OSBPL1A: variants seen among roughly 807,000 people sequenced by gnomAD.
OSBPL1A encodes the protein oxysterol binding protein like 1A.
In OSBPL1A, 80 loss-of-function variants were observed where a neutral mutation model predicts 137.1. The observed-to-expected ratio is 0.58, with a 90% CI of 0.49 to 0.70. The LOEUF (loss-of-function observed/expected upper bound fraction) is 0.70, where lower values mean the gene tolerates loss of function less well. OSBPL1A is among the 30% of genes least tolerant of loss of function. The pLI, the probability that OSBPL1A is intolerant of heterozygous loss-of-function variation, is 0.00. For missense variants in OSBPL1A, 970 were observed against 1,129.4 expected (o/e 0.86, Z 2.02); for synonymous variants, 365 against 389.7 (o/e 0.94, Z 0.75).
At chr18:24,395,318 A>G (rs1318906316) in intron 1 of OSBPL1A, among the ~76,000 whole-genome samples, 1 of 152,208 alleles carries the variant, frequency 6.6e-6, no homozygotes, top group African/African-American at 2.4e-5. Context: ...CATTTGGCTG[A>G]TTTCTACTTT....
At chr18:24,307,709 C>A (rs755833823) in intron 13 of OSBPL1A, among the ~76,000 whole-genome samples, 6 of 152,322 alleles carry the variant, frequency 3.9e-5, no homozygotes, top group Non-Finnish European at 7.4e-5. Context: ...CATGGATGTA[C>A]CAATCTTTAT....
At chr18:24,355,114 C>T (rs943940563) in intron 4 of OSBPL1A, among the ~76,000 whole-genome samples, 2 of 152,268 alleles carry the variant, frequency 1.3e-5, no homozygotes, top group East Asian at 1.9e-4. Context: ...TTGCCTTTCT[C>T]ACCAGCAATT....
rs532455884 is a variant in OSBPL1A, at chr18:24,167,153, A to T, written c.2535+176T>A. Reference sequence around the variant, plus strand: ...AGATGCCAGAGGGATGGACAGCATGATGCACTTACGACGCGCTGAGCTCAG... The same window carrying T: ...AGATGCCAGAGGGATGGACAGCATGTTGCACTTACGACGCGCTGAGCTCAG... On this transcript the variant is annotated intron_variant, in intron 25 of 27. Coordinates refer to ENST00000319481, the MANE Select transcript of OSBPL1A (RefSeq NM_080597.4). 3.8e-3 allele frequency among the ~76,000 whole-genome samples: 586 copies of T among 152,310 alleles called. 3 individuals carry two copies. The highest frequency in any genetic ancestry group is 0.014 in the African/African-American group (569 of 41,558).
chr18:24,213,307 C>T (rs2087598458), intron 17 of OSBPL1A, among the ~76,000 whole-genome samples: 1 of 152,198 alleles, frequency 6.6e-6, no homozygotes, highest in Non-Finnish European at 1.5e-5. Context: ...GTGGCTCACG[C>T]CTGTAATCCT....
intron 1 of OSBPL1A, among the ~76,000 whole-genome samples, chr18:24,390,147 A>C (rs974703051): frequency 6.6e-6 from 1 of 152,156 alleles, no homozygotes; most frequent in Non-Finnish European, 1.5e-5. Context: ...CAATTCACCT[A>C]GTCATACATA....
chr18:24,217,124 C>A (rs879660118), intron 17 of OSBPL1A, among the ~76,000 whole-genome samples: 1 of 152,144 alleles, frequency 6.6e-6, no homozygotes, highest in Admixed American at 6.6e-5. Flanking sequence ...GGGAAAGATA[C>A]TGTAATAGAT....
At chr18:24,228,053 G>A (rs1263833780) in intron 16 of OSBPL1A, among the ~76,000 whole-genome samples, 1 of 151,996 alleles carries the variant, frequency 6.6e-6, no homozygotes, top group Non-Finnish European at 1.5e-5. Context: ...AAGCAAAGAC[G>A]GACTTCGCAG....
chr18:24,187,472 T>C (rs909320665), intron 18 of OSBPL1A, among the ~76,000 whole-genome samples: 1 of 152,190 alleles, frequency 6.6e-6, no homozygotes, highest in Non-Finnish European at 1.5e-5. Flanking sequence ...ATTCAAATCC[T>C]AGCTGTACTA....
At chr18:24,275,915 G>C (rs181275891) in intron 15 of OSBPL1A, among the ~76,000 whole-genome samples, 1 of 151,918 alleles carries the variant, frequency 6.6e-6, no homozygotes, top group Non-Finnish European at 1.5e-5. Flanking sequence ...TTTTAGTAGA[G>C]ACGAGGTTTC....
intron 17 of OSBPL1A, among the ~76,000 whole-genome samples, chr18:24,223,801 C>T (rs1295600725): frequency 2.0e-5 from 3 of 152,252 alleles, no homozygotes; most frequent in East Asian, 3.9e-4. Flanking sequence ...ATTAATAATA[C>T]TGAATATCTG....
Position 24,377,445 on chromosome 18 carries a change from C to T in OSBPL1A, c.89G>A (p.Arg30Lys). 6.2e-7 allele frequency: 1 copy of T among 1,610,044 alleles called. No homozygotes were observed. ...ATTAATGTCAGCAATCACTTCATTC[C>T]TCGCCATGGTCTCTAATAGTTGTCT... ...EVRQLLETMARNEVIADINCK... is the reference protein window; with the variant it reads ...EVRQLLETMAKNEVIADINCK... The change falls in exon 2 of 28, where the codon AGG becomes AAG. Residue 30 changes from arginine (R) to lysine (K), a missense_variant. Coordinates refer to ENST00000319481, the MANE Select transcript of OSBPL1A (RefSeq NM_080597.4).
intron 9 of OSBPL1A, 90 bp downstream of exon 9, chr18:24,318,511 A>G (rs1367800293): frequency 7.8e-5 from 87 of 1,119,644 alleles, no homozygotes; most frequent in Admixed American, 1.6e-4. Flanking sequence ...CATATACTTC[A>G]GAAATGATTT....
At chr18:24,230,047 A>G (rs1048779039) in intron 16 of OSBPL1A, among the ~76,000 whole-genome samples, 2 of 152,116 alleles carry the variant, frequency 1.3e-5, no homozygotes, top group Admixed American at 6.6e-5. Context: ...ACCACGCCCC[A>G]CCAATAATTC....
intron 12 of OSBPL1A, among the ~76,000 whole-genome samples, chr18:24,313,614 G>C (rs903523422): frequency 1.3e-5 from 2 of 152,052 alleles, no homozygotes; most frequent in Non-Finnish European, 2.9e-5. Flanking sequence ...CCTGGCCTTG[G>C]GAAATCACTT....
At chr18:24,245,993 C>T (rs568760730) in intron 15 of OSBPL1A, among the ~76,000 whole-genome samples, 6 of 151,788 alleles carry the variant, frequency 4.0e-5, no homozygotes, top group East Asian at 1.9e-4. Flanking sequence ...GTGGATCACC[C>T]GAGGTCAGGA....
chr18:24,355,914 C>T (rs913741262), intron 4 of OSBPL1A, among the ~76,000 whole-genome samples: 34 of 144,186 alleles, frequency 2.4e-4, no homozygotes, highest in Non-Finnish European at 9.0e-5. Context: ...GAACGCGGGA[C>T]ACAGAGGTTG....
At chr18:24,248,328 G>A (rs2088965724) in intron 15 of OSBPL1A, among the ~76,000 whole-genome samples, 1 of 152,154 alleles carries the variant, frequency 6.6e-6, no homozygotes, top group Non-Finnish European at 1.5e-5. Context: ...AATGAAACGA[G>A]TCTCAAGGCC....
intron 17 of OSBPL1A, 94 bp downstream of exon 17, chr18:24,224,948 G>A: frequency 1.3e-6 from 2 of 1,511,518 alleles, no homozygotes; most frequent in South Asian, 1.2e-5. Flanking sequence ...CCCCTACACG[G>A]GGAAAAATGA....
chr18:24,382,551 T>G (rs982728593), intron 1 of OSBPL1A, among the ~76,000 whole-genome samples: 4 of 151,968 alleles, frequency 2.6e-5, no homozygotes, highest in African/African-American at 9.7e-5. Context: ...CACTCCAGCC[T>G]GTGTAACAGA....
Sources: gnomAD v4.1 joint callset for allele counts (sites outside exome capture counted in the v4.1 genomes callset) on GRCh38, gnomAD v4.1.1 for gene constraint, MANE v1.5 for transcripts, NCBI Gene and HGNC (gene_info 2026-07-23, HGNC 2026-07-21) for gene names.